Variants in RNF214 observed in about 807,000 individuals in gnomAD.
RNF214 encodes the protein ring finger protein 214.
Under a neutral mutation model 75.9 loss-of-function variants are expected in RNF214, and 25 were observed. The ratio of observed to expected loss-of-function variants is 0.33; its 90% CI spans 0.24 to 0.46. The LOEUF (loss-of-function observed/expected upper bound fraction) is 0.46, where lower values mean the gene tolerates loss of function less well. Ranked by LOEUF, RNF214 falls within the 20% of genes least tolerant of loss-of-function variation. The probability of loss-of-function intolerance (pLI) is 1.00; values close to 1 mark genes in which losing one functional copy is unlikely to be tolerated. For missense variants in RNF214, 725 were observed against 857.5 expected (o/e 0.85, Z 1.93); for synonymous variants, 314 against 308.8 (o/e 1.02, Z -0.18).
At chr11:117,266,729 G>A (rs1005744084) in intron 6 of RNF214, among the ~76,000 whole-genome samples, 9 of 151,824 alleles carry the variant, frequency 5.9e-5, no homozygotes, top group African/African-American at 2.2e-4. Flanking sequence ...TTCCTCCTGG[G>A]ACTCCACTGT....
chr11:117,259,147 G>A (rs1318254698), intron 6 of RNF214, among the ~76,000 whole-genome samples: 1 of 152,174 alleles, frequency 6.6e-6, no homozygotes, highest in Non-Finnish European at 1.5e-5. Flanking sequence ...AGTAGAGACA[G>A]GGTTTTGCCA....
Position 117,281,881 on chromosome 11 carries a change from T to G in RNF214, c.1336-13T>G. 6.2e-7 allele frequency: 1 copy of G among 1,610,898 alleles called. No homozygotes were observed. The highest frequency in any genetic ancestry group is 8.5e-7 in the Non-Finnish European group (1 of 1,177,888). On this transcript the variant is annotated splice_polypyrimidine_tract_variant and intron_variant, in intron 10 of 14. Transcript: ENST00000300650. ...TCCTTTCTCTCTCGTCCTCTACCTC[T>G]TCTCCTCTGCAGACAGACTTCATGC...
intron 6 of RNF214, among the ~76,000 whole-genome samples, chr11:117,250,226 A>G (rs1431085997): frequency 6.6e-6 from 1 of 152,194 alleles, no homozygotes; most frequent in Non-Finnish European, 1.5e-5. Context: ...CCTGAAAAAT[A>G]AGGGGCAGAA....
At chr11:117,244,826 T>C (rs1189070651) in intron 5 of RNF214, among the ~76,000 whole-genome samples, 1 of 151,748 alleles carries the variant, frequency 6.6e-6, no homozygotes. Context: ...CCACTATGCC[T>C]GGCTCATTTT....
At chr11:117,280,375 T>A (rs2034103007) in intron 8 of RNF214, 116 bp downstream of exon 8, 5 of 740,914 alleles carry the variant, frequency 6.7e-6, no homozygotes, top group Non-Finnish European at 1.2e-5. Context: ...GCACAGGAAT[T>A]GTAAGGCTAT....
At chr11:117,244,891 T>C (rs892515907) in intron 5 of RNF214, among the ~76,000 whole-genome samples, 7 of 151,724 alleles carry the variant, frequency 4.6e-5, no homozygotes, top group African/African-American at 9.7e-5. Flanking sequence ...GGTCTTGAAC[T>C]CCAGACTCAA....
chr11:117,259,534 A>G (rs879075027), intron 6 of RNF214, among the ~76,000 whole-genome samples: 37 of 152,230 alleles, frequency 2.4e-4, no homozygotes, highest in African/African-American at 7.7e-4. Context: ...CACTCTGTCA[A>G]CCATATATGA....
chr11:117,280,803 G>A (rs1303743385), intron 8 of RNF214, among the ~76,000 whole-genome samples: 1 of 152,070 alleles, frequency 6.6e-6, no homozygotes, highest in Admixed American at 6.6e-5. Context: ...TTTTCAGGCA[G>A]ACAAGAACCC....
chr11:117,244,693 T>A (rs2033167274), intron 5 of RNF214, 108 bp downstream of exon 5: 1 of 822,586 alleles, frequency 1.2e-6, no homozygotes, highest in Non-Finnish European at 1.7e-6. Flanking sequence ...TGAGACAGAG[T>A]CTCACTCTGT....
At chr11:117,261,722 T>C (rs891421018) in intron 6 of RNF214, among the ~76,000 whole-genome samples, 11 of 152,162 alleles carry the variant, frequency 7.2e-5, no homozygotes, top group Admixed American at 5.2e-4. Context: ...CTCGGCTCAC[T>C]GCAGCCTCCG....
intron 2 of RNF214, among the ~76,000 whole-genome samples, chr11:117,235,761 A>G (rs2032889720): frequency 6.6e-6 from 1 of 152,142 alleles, no homozygotes. Flanking sequence ...TATTTTAAAA[A>G]ATGGACACGA....
At chr11:117,258,482 G>A (rs2033578977) in intron 6 of RNF214, among the ~76,000 whole-genome samples, 1 of 151,964 alleles carries the variant, frequency 6.6e-6, no homozygotes, top group Non-Finnish European at 1.5e-5. Context: ...GCAGTCATCA[G>A]TAACTTTGCC....
chr11:117,249,857 C>T (rs2033323757), intron 6 of RNF214, among the ~76,000 whole-genome samples: 1 of 152,154 alleles, frequency 6.6e-6, no homozygotes, highest in South Asian at 2.1e-4. Flanking sequence ...ATAATTGCCT[C>T]CTTCAAGGCC....
At chr11:117,273,116 T>C (rs1281977804) in intron 6 of RNF214, among the ~76,000 whole-genome samples, 4 of 152,170 alleles carry the variant, frequency 2.6e-5, no homozygotes, top group African/African-American at 9.6e-5. Flanking sequence ...GGAAGAAGCT[T>C]ACTTATCTGC....
chr11:117,283,506 G>A lies in RNF214; in HGVS notation c.2046+296G>A, dbSNP rs370531539. On this transcript the variant is annotated intron_variant, in intron 14 of 14. Transcript: ENST00000300650. ...CTCCTGAGTAGCTGGGACTACAGGC[G>A]CCTGCCAACATGCCTGGCTAATTTT... Among the ~76,000 whole-genome samples, 42 of 151,960 alleles carry A rather than the reference G, an allele frequency of 2.8e-4. No homozygotes were observed. In the East Asian group the frequency reaches 5.0e-3, roughly 18 times the overall value.
chr11:117,276,377 G>T (rs2034016149), intron 6 of RNF214, among the ~76,000 whole-genome samples: 1 of 152,134 alleles, frequency 6.6e-6, no homozygotes, highest in Non-Finnish European at 1.5e-5. Flanking sequence ...TGGGAGGCCA[G>T]TTCAGGAAGA....
At chr11:117,235,150 A>G (rs2032867331) in intron 2 of RNF214, among the ~76,000 whole-genome samples, 1 of 152,210 alleles carries the variant, frequency 6.6e-6, no homozygotes, top group Non-Finnish European at 1.5e-5. Context: ...TACAGATGCA[A>G]CCATCCAATT....
chr11:117,257,265 G>A (rs918894340), intron 6 of RNF214, among the ~76,000 whole-genome samples: 15 of 152,124 alleles, frequency 9.9e-5, no homozygotes, highest in South Asian at 6.2e-4. Flanking sequence ...GAGCTCAGAA[G>A]GTCAAGGTTG....
chr11:117,258,119 C>A (rs1448372553), intron 6 of RNF214, among the ~76,000 whole-genome samples: 1 of 151,450 alleles, frequency 6.6e-6, no homozygotes, highest in Admixed American at 6.6e-5. Context: ...CAGAGTCTCG[C>A]TCTGTCGCCA....
Sources: gnomAD v4.1 joint callset for allele counts (sites outside exome capture counted in the v4.1 genomes callset) on GRCh38, gnomAD v4.1.1 for gene constraint, MANE v1.5 for transcripts, NCBI Gene and HGNC (gene_info 2026-07-23, HGNC 2026-07-21) for gene names.